TJP1: variants seen among roughly 807,000 people sequenced by gnomAD.
TJP1 encodes the protein tight junction protein 1, also known as tight junction protein ZO-1.
A neutral mutation model predicts 194.2 loss-of-function variants in TJP1; 43 were observed. That is an observed-to-expected ratio of 0.22 (90% CI 0.17 to 0.29). TJP1 has a LOEUF of 0.29. TJP1 is among the 10% of genes least tolerant of loss of function. TJP1 has a pLI of 1.00. For missense variants in TJP1, 1,971 were observed against 2,185.7 expected (o/e 0.90, Z 1.96); for synonymous variants, 801 against 779.0 (o/e 1.03, Z -0.47).
chr15:29,766,546 CA>C lies in TJP1; in HGVS notation c.313-5del. The C allele has an allele frequency of 6.5e-7, 1 of 1,532,738 alleles. No homozygotes were observed. The highest frequency in any genetic ancestry group is 8.8e-7 in the Non-Finnish European group (1 of 1,142,784). 94.9% of individuals were successfully genotyped at this position (1,532,738 alleles called of 1,614,324 possible). A position where few individuals can be genotyped will look rare whatever the true frequency, so the allele number is the denominator to read the frequency against. ...CTTTCTTCTTCCTTCTAATTGTCTG[CA>C]AGTTAAAAAGGTTAAAAAATAAGTT... On this transcript the variant is annotated splice_polypyrimidine_tract_variant and splice_region_variant and intron_variant, in intron 4 of 27. Coordinates refer to ENST00000614355, the MANE Select transcript of TJP1 (RefSeq NM_001330239.4).
At chr15:29,818,336 A>T (rs2050077809) in intron 1 of TJP1, among the ~76,000 whole-genome samples, 1 of 152,244 alleles carries the variant, frequency 6.6e-6, no homozygotes, top group East Asian at 1.9e-4. Flanking sequence ...TCGTTTCTTA[A>T]CAATGATTCA....
chr15:29,822,614 G>C (rs2050495778), upstream of TJP1: 17 of 441,120 alleles, frequency 3.9e-5, no homozygotes, highest in Non-Finnish European at 4.8e-5. Flanking sequence ...CCCCAAGCGC[G>C]GAAGGAAAAG....
rs561845175 is a variant in TJP1 at position 29,716,670 on chromosome 15, G to A, written c.4143C>T (p.Ser1381=). ...PPAHIAASHL[S]EPAKPAHSQN... is the part of the protein sequence containing the mutation. ...GAGAATGCGCTGGCTTTGCAGGCTC[G>A]GAGAGATGGCTGGCGGCAATGTGTG... The change falls in exon 23 of 28, where the codon TCC becomes TCT. Residue 1381 remains serine (S), a synonymous_variant. Coordinates refer to ENST00000614355, the MANE Select transcript of TJP1 (RefSeq NM_001330239.4). The A allele has an allele frequency of 2.0e-5, 32 of 1,614,046 alleles. No individual in the cohort carries two copies. Among genetic ancestry groups the A allele is most frequent in the African/African-American group, 5.3e-5 (4 of 75,038 alleles).
chr15:29,731,325 T>C (rs1228830905), intron 15 of TJP1, among the ~76,000 whole-genome samples: 1 of 152,178 alleles, frequency 6.6e-6, no homozygotes, highest in Admixed American at 6.5e-5. Context: ...TTTGTTTTTA[T>C]GTCCTCTTCT....
intron 1 of TJP1, among the ~76,000 whole-genome samples, chr15:29,959,032 C>G (rs902088680): frequency 2.0e-5 from 3 of 151,706 alleles, no homozygotes; most frequent in Non-Finnish European, 4.4e-5. Context: ...CTGTGCCTCC[C>G]AGGCTGGAGT....
In TJP1 at chr15:29,708,981, A is replaced by G. The variant is rs763846192; in HGVS notation, c.4428T>C (p.Pro1476=). Residue 1476 remains proline, a synonymous_variant, in exon 25 of 28, where the codon CCT becomes CCC. Coordinates refer to ENST00000614355, the MANE Select transcript of TJP1 (RefSeq NM_001330239.4). ...AAGTTGCTGGCTTATTCTGAGATGGAGGTGGGTCTGGTTTGGACACTAAGG... is the reference window on the plus strand; with the variant it reads ...AAGTTGCTGGCTTATTCTGAGATGGGGGTGGGTCTGGTTTGGACACTAAGG... ...QNSLVSKPDP[P]PSQNKPATFR... The G allele has an allele frequency of 6.2e-7, 1 of 1,614,130 alleles. No individual in the cohort carries two copies. The highest frequency in any genetic ancestry group is 1.1e-5 in the South Asian group (1 of 91,076).
intron 8 of TJP1, among the ~76,000 whole-genome samples, chr15:29,749,099 C>T (rs994826107): frequency 6.6e-6 from 1 of 150,618 alleles, no homozygotes; most frequent in Admixed American, 6.6e-5. Flanking sequence ...TCAAGATCCT[C>T]TTATGGGCAC....
chr15:29,887,973 T>C (rs1182503556), intron 2 of TJP1, among the ~76,000 whole-genome samples: 1 of 152,022 alleles, frequency 6.6e-6, no homozygotes, highest in Admixed American at 6.5e-5. Flanking sequence ...AAGGAAACAA[T>C]CCACATATAA....
rs567845774 is a variant in TJP1, at chr15:29,960,245, T to C, written c.174-3881A>G. Among the ~76,000 whole-genome samples, 53 of 152,134 alleles carry C rather than the reference T, an allele frequency of 3.5e-4. No homozygotes were observed. In the South Asian group the frequency reaches 0.011, roughly 31 times the overall value. On this transcript the variant is annotated intron_variant, in intron 1 of 28. Coordinates refer to the TJP1 transcript ENST00000356107. ...TTATAAATGGCAGATAGTCAAGAAA[T>C]TTACCAGGGTTAACTCAATGTAATA...
At chr15:29,704,973 C>T (rs1461618412) in intron 26 of TJP1, among the ~76,000 whole-genome samples, 1 of 152,230 alleles carries the variant, frequency 6.6e-6, no homozygotes, top group Non-Finnish European at 1.5e-5. Context: ...TCACAACACA[C>T]TTCGTTATAA....
intron 2 of TJP1, among the ~76,000 whole-genome samples, chr15:29,922,447 TTAAC>T (rs1298333212): frequency 6.6e-6 from 1 of 152,230 alleles, no homozygotes; most frequent in Non-Finnish European, 1.5e-5. Flanking sequence ...CATTTGTAAA[TTAAC>T]TAACTCTTAG....
chr15:29,828,059 C>T (rs191049983), intron 2 of TJP1, among the ~76,000 whole-genome samples: 93 of 152,224 alleles, frequency 6.1e-4, no homozygotes, highest in Admixed American at 1.0e-3. Context: ...CACTGCATTC[C>T]CATTCCTATA....
chr15:29,933,724 T>C (rs988931089), intron 2 of TJP1, among the ~76,000 whole-genome samples: 1 of 152,172 alleles, frequency 6.6e-6, no homozygotes, highest in Admixed American at 6.5e-5. Context: ...CTACCTTCTC[T>C]GGGCGAGAAG....
At chr15:29,821,539 T>C (rs528546462) in intron 1 of TJP1, 1 of 152,056 alleles carries the variant, frequency 6.6e-6, no homozygotes, top group Non-Finnish European at 1.5e-5. Context: ...TGACATCAGA[T>C]CGAAACTACA....
In TJP1 at chr15:29,968,321, C is replaced by T. The variant is rs1321593816; in HGVS notation, c.173+346G>A. On this transcript the variant is annotated intron_variant, in intron 1 of 28. Coordinates refer to the TJP1 transcript ENST00000356107. Reference sequence around the variant, plus strand: ...GAGAGCCTGGCTGGAAATTCTGAGCCAGAACCCGCCGTAATGGAGCAGAAA... The same window carrying T: ...GAGAGCCTGGCTGGAAATTCTGAGCTAGAACCCGCCGTAATGGAGCAGAAA... 4.1e-6 allele frequency: 4 copies of T among 984,496 alleles called. No homozygotes were observed. In the African/African-American group the frequency reaches 7.0e-5, roughly 17 times the overall value. 61.0% of individuals were successfully genotyped at this position (984,496 alleles called of 1,614,324 possible).
intron 2 of TJP1, among the ~76,000 whole-genome samples, chr15:29,901,808 G>A (rs904414811): frequency 3.5e-5 from 5 of 143,756 alleles, no homozygotes; most frequent in South Asian, 2.3e-4. Context: ...GCAACAGAGC[G>A]AGACTCTATC....
intron 2 of TJP1, among the ~76,000 whole-genome samples, chr15:29,873,221 T>C (rs2052585984): frequency 6.6e-6 from 1 of 152,156 alleles, no homozygotes; most frequent in Non-Finnish European, 1.5e-5. Flanking sequence ...TCTTTTGAGG[T>C]CCGTTTAGCA....
chr15:29,704,293 A>C lies in TJP1; in HGVS notation c.5081T>G (p.Leu1694Arg). The change falls in exon 27 of 28, where the codon CTG (leucine) becomes CGG (arginine). Residue 1694 changes from leucine to arginine, a missense_variant. Leu to Arg is a moderately radical substitution (Grantham distance 102). Coordinates refer to ENST00000614355, the MANE Select transcript of TJP1 (RefSeq NM_001330239.4). ...PLDKEKGETL[L>R]SPLVMCGPHG... ...GGGACCACACATCACCAAAGGACTC[A>C]GCAGTGTTTCACCTGGAGTTGGAAA... The C allele has an allele frequency of 6.3e-7, 1 of 1,595,596 alleles. No individual in the cohort carries two copies.
In TJP1 at chr15:29,847,920, T is replaced by G. The variant is rs183006238; in HGVS notation, c.307-47218A>C. 2.5e-3 allele frequency among the ~76,000 whole-genome samples: 375 copies of G among 152,360 alleles called. 1 individual carries two copies. Among genetic ancestry groups the G allele is most frequent in the Middle Eastern group, 0.017 (5 of 294 alleles). ...TTTCAACATATGTTTTTATTTCCAA[T>G]TATGTGTATTTTTACATTTTCTTTG... is the stretch of plus-strand genomic sequence containing the variant. On this transcript the variant is annotated intron_variant, in intron 2 of 28. Coordinates refer to the TJP1 transcript ENST00000356107.
Sources: allele counts gnomAD v4.1 joint callset (sites outside exome capture counted in the v4.1 genomes callset), GRCh38; gene constraint gnomAD v4.1.1; transcripts MANE v1.5; gene names NCBI Gene and HGNC (gene_info 2026-07-23, HGNC 2026-07-21).